The following PRKAB2 variants were observed in gnomAD, a reference collection of about 807,000 sequenced individuals.
The protein encoded by PRKAB2 is protein kinase AMP-activated non-catalytic subunit beta 2, also known as 5'-AMP-activated protein kinase subunit beta-2.
In PRKAB2, 18 loss-of-function variants were observed where a neutral mutation model predicts 29.8. The observed-to-expected ratio is 0.60, with a 90% CI of 0.42 to 0.89. PRKAB2 has a LOEUF of 0.89. Ranked by LOEUF, PRKAB2 falls within the 40% of genes least tolerant of loss-of-function variation. The probability of loss-of-function intolerance (pLI) is 0.00; values close to 1 mark genes in which losing one functional copy is unlikely to be tolerated. For synonymous variants in PRKAB2, 136 were observed against 125.9 expected, an observed-to-expected ratio of 1.08 and a Z score of -0.54; for missense variants, 270 against 344.3, an observed-to-expected ratio of 0.78 and a Z score of 1.71.
Position 147,155,457 on chromosome 1 carries a change from C to G in PRKAB2, c.*4108G>C, listed in dbSNP as rs2101606660. 1 of 152,662 alleles carries G rather than the reference C, an allele frequency of 6.6e-6. No homozygotes were observed. The highest frequency in any genetic ancestry group is 2.1e-4 in the South Asian group (1 of 4,830). 9.5% of individuals were successfully genotyped at this position (152,662 alleles called of 1,614,324 possible). A position where few individuals can be genotyped will look rare whatever the true frequency, so the allele number is the denominator to read the frequency against. ...CCAATGTACCAAAATTCAAACAAGT[C>G]TCATTTATGAGACCCGTGTAGTGAT... On this transcript the variant is annotated 3_prime_UTR_variant, in exon 8 of 8. Coordinates refer to ENST00000254101, the MANE Select transcript of PRKAB2 (RefSeq NM_005399.5).
rs1653633935 is a variant in PRKAB2 at position 147,155,616 on chromosome 1, T to C, written c.*3949A>G. 1 of 152,576 alleles carries C rather than the reference T, an allele frequency of 6.6e-6. No homozygotes were observed. Among genetic ancestry groups the C allele is most frequent in the Admixed American group, 6.5e-5 (1 of 15,276 alleles). 9.5% of individuals were successfully genotyped at this position (152,576 alleles called of 1,614,324 possible). ...TATATGACTTAATGTAGGTATCCCT[T>C]GACCATTTAACCTGACACCTACAAA... On this transcript the variant is annotated 3_prime_UTR_variant, in exon 8 of 8. Coordinates refer to ENST00000254101, the MANE Select transcript of PRKAB2 (RefSeq NM_005399.5).
At chr1:147,169,642 A>C (rs782281370) in intron 2 of PRKAB2, among the ~76,000 whole-genome samples, 3 of 152,202 alleles carry the variant, frequency 2.0e-5, no homozygotes, top group Non-Finnish European at 2.9e-5. Context: ...TACTTGATAT[A>C]ATATCTGGGA....
At chr1:147,159,663 C>T (rs1252804539) in intron 7 of PRKAB2, 21 bp from the exon 8 acceptor site, 9 of 1,607,312 alleles carry the variant, frequency 5.6e-6, no homozygotes, top group Admixed American at 1.7e-5. Flanking sequence ...AAGAAACATA[C>T]GCAGCTAATT....
intron 6 of PRKAB2, 105 bp from the exon 7 acceptor site, chr1:147,161,885 C>G: frequency 1.2e-6 from 1 of 818,918 alleles, no homozygotes; most frequent in Non-Finnish European, 1.9e-6. Flanking sequence ...GAAATTTAAA[C>G]TAGAATGCGC....
At chr1:147,165,909 C>T (rs895255159) in intron 5 of PRKAB2, among the ~76,000 whole-genome samples, 3 of 152,102 alleles carry the variant, frequency 2.0e-5, no homozygotes, top group East Asian at 1.9e-4. Flanking sequence ...GCAATCCTCA[C>T]GCCTCAGCCT....
rs1245629255 is a variant in PRKAB2, at chr1:147,158,213, C to G, written c.*1352G>C. 6.6e-6 allele frequency: 1 copy of G among 152,146 alleles called. No homozygotes were observed. The allele number at this position is 152,146 out of a possible 1,614,324, so 9.4% of individuals were successfully genotyped here. A position where few individuals can be genotyped will look rare whatever the true frequency, so the allele number is the denominator to read the frequency against. The stretch of plus-strand genomic sequence containing the variant: ...GTCCACAAATGGAATTCAGTGACCC[C>G]ACTTAATCATCAAACACCTTTAAAA... On this transcript the variant is annotated 3_prime_UTR_variant, in exon 8 of 8. Coordinates refer to ENST00000254101, the MANE Select transcript of PRKAB2 (RefSeq NM_005399.5).
At position 147,172,210 on chromosome 1, in the gene PRKAB2, C is replaced by A. The variant is rs149416365; in HGVS notation, c.-23-43G>T. 1.8e-3 allele frequency: 2,643 copies of A among 1,468,164 alleles called. 27 individuals carry two copies. Among genetic ancestry groups the A allele is most frequent in the African/African-American group, 0.017 (1,178 of 70,566 alleles). 90.9% of individuals were successfully genotyped at this position (1,468,164 alleles called of 1,614,324 possible). A position where few individuals can be genotyped will look rare whatever the true frequency, so the allele number is the denominator to read the frequency against. ...ACCGGGCTGGGAACACCTCAGCCGCCGCGTCAGGGGCGCCCCCCGGCCCCG... is the reference window on the plus strand; with the variant it reads ...ACCGGGCTGGGAACACCTCAGCCGCAGCGTCAGGGGCGCCCCCCGGCCCCG... On this transcript the variant is annotated intron_variant, in intron 1 of 7. Transcript: ENST00000254101.
At chr1:147,161,085 A>C (rs146222567) in intron 7 of PRKAB2, among the ~76,000 whole-genome samples, 122 of 152,262 alleles carry the variant, frequency 8.0e-4, no homozygotes, top group African/African-American at 2.9e-3. Flanking sequence ...CTCTAATGAT[A>C]ATCAGCCTGG....
chr1:147,166,734 CAA>C lies in PRKAB2; in HGVS notation c.417+110_417+111del, dbSNP rs1465412293. On this transcript the variant is annotated intron_variant, in intron 4 of 7. Transcript: ENST00000254101. ...TGTTCTCAGCACCTCCACGTTTTAT[CAA>C]GAGAGAAATCCTCCAGTGTAGGGGA... 5.2e-6 allele frequency: 8 copies of C among 1,553,248 alleles called. No homozygotes were observed. The African/African-American group carries it at 9.6e-5, about 19-fold the overall frequency.
Position 147,172,176 on chromosome 1 carries a change from G to A in PRKAB2, c.-23-9C>T, listed in dbSNP as rs1553914559. ...AGCTCGTCGGGGACCACCTACCGCG[G>A]GGAACGACACCGGGCTGGGAACACC... On this transcript the variant is annotated splice_polypyrimidine_tract_variant and intron_variant, in intron 1 of 7. Coordinates refer to ENST00000254101, the MANE Select transcript of PRKAB2 (RefSeq NM_005399.5). The A allele has an allele frequency of 3.9e-6, 6 of 1,528,324 alleles. No homozygotes were observed. Among genetic ancestry groups the A allele is most frequent in the Non-Finnish European group, 4.4e-6 (5 of 1,137,942 alleles). The allele number at this position is 1,528,324 out of a possible 1,614,324, so 94.7% of individuals were successfully genotyped here.
At position 147,172,107 on chromosome 1, in the gene PRKAB2, C is replaced by T. The variant is rs1553914531; in HGVS notation, c.38G>A (p.Arg13His). 2 of 1,556,530 alleles carry T rather than the reference C, an allele frequency of 1.3e-6. No homozygotes were observed. The highest frequency in any genetic ancestry group is 1.9e-5 in the Admixed American group (1 of 52,306). The stretch of plus-strand genomic sequence containing the variant: ...GGAGCGTGCAGCCTTGGCGCCGTGG[C>T]GCTCCCCGGACACCCGGTCGCTGGT... Reference protein sequence around the residue: ...NTTSDRVSGERHGAKAARSEG... With the variant: ...NTTSDRVSGEHHGAKAARSEG... The change falls in exon 2 of 8, where the codon CGC becomes CAC. Residue 13 changes from arginine to histidine, a missense_variant. Arg to His is a conservative substitution (Grantham distance 29, BLOSUM62 0). This residue lies in a region of PRKAB2 where 228 missense variants were observed against 255.5 expected (regional missense o/e 0.89). Coordinates refer to ENST00000254101, the MANE Select transcript of PRKAB2 (RefSeq NM_005399.5).
intron 2 of PRKAB2, among the ~76,000 whole-genome samples, chr1:147,168,492 C>A (rs1559612763): frequency 6.6e-6 from 1 of 152,184 alleles, no homozygotes. Context: ...AAAACTAGAT[C>A]ACTGATTTCT....
chr1:147,161,632 G>T (rs782225789), intron 7 of PRKAB2, 80 bp downstream of exon 7: 2 of 1,227,466 alleles, frequency 1.6e-6, no homozygotes, highest in Non-Finnish European at 2.4e-6. Context: ...AAATAGCAGA[G>T]AAAGTAACCA....
At chr1:147,165,865 A>G (rs1654219235) in intron 5 of PRKAB2, among the ~76,000 whole-genome samples, 2 of 152,096 alleles carry the variant, frequency 1.3e-5, no homozygotes. Flanking sequence ...AGGCTCAAAC[A>G]TGCTTCACAG....
chr1:147,166,551 A>G lies in PRKAB2; in HGVS notation c.485T>C (p.Val162Ala). The change falls in exon 5 of 8, where the codon GTG becomes GCG. Residue 162 changes from valine to alanine, a missense_variant. Around this residue, in one of 2 missense-constraint regions of PRKAB2, gnomAD observed 228 missense variants for 255.5 expected, o/e 0.89. Coordinates refer to ENST00000254101, the MANE Select transcript of PRKAB2 (RefSeq NM_005399.5). ...LIHVKKSDFE[V>A]FDALKLDSME... is the part of the protein sequence containing the mutation. ...AGAATCTAACTTTAAAGCATCGAAC[A>G]CCTCAAAATCAGATTTCTTGACATG... 1 of 1,614,014 alleles carries G rather than the reference A, an allele frequency of 6.2e-7. No homozygotes were observed. Among genetic ancestry groups the G allele is most frequent in the Non-Finnish European group, 8.5e-7 (1 of 1,179,886 alleles).
chr1:147,167,074 C>T (rs80278985), intron 3 of PRKAB2, 135 bp from the exon 4 acceptor site: 1 of 699,300 alleles, frequency 1.4e-6, no homozygotes, highest in Non-Finnish European at 2.5e-6. Flanking sequence ...GTGTAAAAAA[C>T]AACGTATAAA....
chr1:147,160,615 C>T (rs2101616366), intron 7 of PRKAB2, among the ~76,000 whole-genome samples: 1 of 152,188 alleles, frequency 6.6e-6, no homozygotes, highest in East Asian at 1.9e-4. Context: ...TGACACAAAG[C>T]CTAAATACGA....
In PRKAB2 at chr1:147,159,423, C is replaced by G; in HGVS notation, c.*142G>C. ...TCTCATCTGCAATCAAATGCAAAAG[C>G]AGAGCATCCTACTCAGAGGCTCTGA... On this transcript the variant is annotated 3_prime_UTR_variant, in exon 8 of 8. Transcript: ENST00000254101. 1 of 627,284 alleles carries G rather than the reference C, an allele frequency of 1.6e-6. No individual in the cohort carries two copies. Among genetic ancestry groups the G allele is most frequent in the Non-Finnish European group, 2.7e-6 (1 of 363,808 alleles). 38.9% of individuals were successfully genotyped at this position (627,284 alleles called of 1,614,324 possible).
At chr1:147,163,705 T>C (rs587708253) in intron 5 of PRKAB2, among the ~76,000 whole-genome samples, 5 of 152,254 alleles carry the variant, frequency 3.3e-5, no homozygotes, top group African/African-American at 1.2e-4. Context: ...GAATGGGATG[T>C]GACTGCTAAT....
Sources: allele counts gnomAD v4.1 joint callset (sites outside exome capture counted in the v4.1 genomes callset), GRCh38; gene constraint gnomAD v4.1.1; regional missense constraint gnomAD v4.1.1; transcripts MANE v1.5; gene names NCBI Gene and HGNC (gene_info 2026-07-23, HGNC 2026-07-21).